The following MARCHF4 variants were observed in gnomAD, a reference collection of about 807,000 sequenced individuals.
MARCHF4 encodes E3 ubiquitin-protein ligase MARCHF4.
A neutral mutation model predicts 43.9 loss-of-function variants in MARCHF4; 14 were observed. The ratio of observed to expected loss-of-function variants is 0.32; its 90% CI spans 0.21 to 0.50. MARCHF4 has a LOEUF of 0.50. Among genes scored for constraint, MARCHF4 ranks in the 20% least tolerant of loss-of-function variants. MARCHF4 has a pLI of 0.98. For synonymous variants in MARCHF4, 226 were observed against 213.3 expected (o/e 1.06, Z -0.52); for missense variants, 468 against 536.7 (o/e 0.87, Z 1.27).
At chr2:216,287,292 T>C (rs368432) in intron 1 of MARCHF4, among the ~76,000 whole-genome samples, 74,459 of 151,822 alleles carry the variant, frequency 0.49, 18,498 homozygotes, top group East Asian at 0.71. Context: ...GAACAGGCCC[T>C]AGGGTATGGG....
At chr2:216,368,212 A>G (rs1692696933) in intron 1 of MARCHF4, among the ~76,000 whole-genome samples, 2 of 152,206 alleles carry the variant, frequency 1.3e-5, no homozygotes, top group Non-Finnish European at 2.9e-5. Context: ...GAGAGTATGA[A>G]GTACTTGATG....
rs577822331 is a variant in MARCHF4, at chr2:216,339,276, T to G, written c.516+30469A>C. Among the ~76,000 whole-genome samples the G allele has an allele frequency of 2.0e-5, 3 of 152,116 alleles. No homozygotes were observed. In the South Asian group the frequency reaches 6.2e-4, roughly 32 times the overall value. On this transcript the variant is annotated intron_variant, in intron 1 of 3. Coordinates refer to ENST00000273067, the MANE Select transcript of MARCHF4 (RefSeq NM_020814.3). ...ATATGCCAAGAAATCCAAGGTGTAG[T>G]GTTCAATGGCCATGCCCTTCTCTGC...
intron 1 of MARCHF4, among the ~76,000 whole-genome samples, chr2:216,332,469 A>T (rs1692094314): frequency 6.6e-6 from 1 of 151,966 alleles, no homozygotes; most frequent in African/African-American, 2.4e-5. Context: ...GGCAAGATTT[A>T]TTGATTTTAA....
chr2:216,292,829 C>G (rs1367820810), intron 1 of MARCHF4, among the ~76,000 whole-genome samples: 1 of 152,146 alleles, frequency 6.6e-6, no homozygotes, highest in East Asian at 1.9e-4. Context: ...CTTCTTCCTT[C>G]AGGACACCAG....
intron 2 of MARCHF4, among the ~76,000 whole-genome samples, chr2:216,282,943 T>C (rs529698347): frequency 6.6e-6 from 1 of 152,164 alleles, no homozygotes; most frequent in Non-Finnish European, 1.5e-5. Context: ...GTGTGGTCTC[T>C]GAACCAGAAG....
At chr2:216,277,134 C>A (rs1010166153) in intron 3 of MARCHF4, among the ~76,000 whole-genome samples, 1 of 152,102 alleles carries the variant, frequency 6.6e-6, no homozygotes, top group Non-Finnish European at 1.5e-5. Flanking sequence ...ATGGGAGAGC[C>A]TGGAGCTGTG....
At chr2:216,302,405 T>C (rs2105950258) in intron 1 of MARCHF4, among the ~76,000 whole-genome samples, 1 of 151,172 alleles carries the variant, frequency 6.6e-6, no homozygotes, top group Non-Finnish European at 1.5e-5. Context: ...TTTTTTTGTA[T>C]TTTTAGTAGA....
chr2:216,271,990 T>C (rs1254769515), intron 3 of MARCHF4, among the ~76,000 whole-genome samples: 24 of 141,180 alleles, frequency 1.7e-4, no homozygotes, highest in African/African-American at 5.5e-4. Flanking sequence ...TTTAGAGATC[T>C]CTGGTAGGCC....
chr2:216,357,207 C>T (rs961452309), intron 1 of MARCHF4, among the ~76,000 whole-genome samples: 5 of 152,114 alleles, frequency 3.3e-5, no homozygotes, highest in African/African-American at 1.2e-4. Context: ...CACTAATGTC[C>T]TTTATGTGGT....
intron 1 of MARCHF4, among the ~76,000 whole-genome samples, chr2:216,355,640 A>C (rs1290341180): frequency 6.6e-6 from 1 of 152,170 alleles, no homozygotes; most frequent in African/African-American, 2.4e-5. Flanking sequence ...CTGATACTCA[A>C]ACTGATTTTT....
intron 1 of MARCHF4, among the ~76,000 whole-genome samples, chr2:216,354,537 T>A (rs1482735774): frequency 6.6e-6 from 1 of 152,204 alleles, no homozygotes; most frequent in Non-Finnish European, 1.5e-5. Flanking sequence ...TTTCTTGCAC[T>A]AGACTCCAAG....
Position 216,370,134 on chromosome 2 carries a change from G to A in MARCHF4, c.127C>T (p.Arg43Cys). ...RHQGLLKCRC[R>C]MLFNDLKVFL... ...ACCTTCAGGTCATTGAAGAGCATGC[G>A]GCAGCGGCACTTGAGGAGACCCTGG... The change falls in exon 1 of 4, where the codon CGC (arginine) becomes TGC (cysteine). Residue 43 changes from arginine to cysteine, a missense_variant. Coordinates refer to ENST00000273067, the MANE Select transcript of MARCHF4 (RefSeq NM_020814.3). The A allele has an allele frequency of 3.7e-6, 6 of 1,607,320 alleles. No individual in the cohort carries two copies. The highest frequency in any genetic ancestry group is 1.7e-4 in the Middle Eastern group (1 of 6,036).
chr2:216,329,814 G>A (rs181929077), intron 1 of MARCHF4, among the ~76,000 whole-genome samples: 30 of 151,322 alleles, frequency 2.0e-4, no homozygotes, highest in Non-Finnish European at 4.0e-4. Context: ...GGGCTGGGTT[G>A]AGTGGCTCAC....
intron 1 of MARCHF4, among the ~76,000 whole-genome samples, chr2:216,293,509 C>T (rs915425718): frequency 1.3e-5 from 2 of 151,608 alleles, no homozygotes; most frequent in African/African-American, 4.8e-5. Flanking sequence ...CACATACACA[C>T]GTTTAATCTG....
chr2:216,332,196 G>T (rs1056972694), intron 1 of MARCHF4, among the ~76,000 whole-genome samples: 6 of 152,078 alleles, frequency 3.9e-5, no homozygotes, highest in African/African-American at 1.4e-4. Flanking sequence ...TTTGAGATCA[G>T]CCTGGGCAAC....
Position 216,370,217 on chromosome 2 carries a change from C to T in MARCHF4, c.44G>A (p.Cys15Tyr), listed in dbSNP as rs1211146326. The part of the protein sequence containing the change: ...LCGLLWWWWC[C>Y]CSGWYCYGLC... ...TCCATAGCAGTACCAGCCGGAGCAG[C>T]AGCACCACCACCACCAGAGCAGCCC... The change falls in exon 1 of 4, where the codon TGC (cysteine) becomes TAC (tyrosine). Residue 15 changes from cysteine to tyrosine, a missense_variant. Cys to Tyr is a radical substitution (Grantham distance 194). Transcript: ENST00000273067. 1.9e-6 allele frequency: 3 copies of T among 1,610,668 alleles called. No individual in the cohort carries two copies. Among genetic ancestry groups the T allele is most frequent in the South Asian group, 2.2e-5 (2 of 90,860 alleles).
chr2:216,332,519 CA>C (rs375668256), intron 1 of MARCHF4, among the ~76,000 whole-genome samples: 9 of 148,330 alleles, frequency 6.1e-5, no homozygotes, highest in East Asian at 3.9e-4. Context: ...CGTGCCAGTG[CA>C]AAAAAAAAGG....
At chr2:216,284,491 G>T (rs1421185787) in intron 1 of MARCHF4, among the ~76,000 whole-genome samples, 2 of 152,172 alleles carry the variant, frequency 1.3e-5, no homozygotes, top group Admixed American at 6.5e-5. Flanking sequence ...TTTGGAACAG[G>T]ATCTCACTCT....
In MARCHF4 at chr2:216,337,582, A is replaced by G. The variant is rs183888431; in HGVS notation, c.516+32163T>C. On this transcript the variant is annotated intron_variant, in intron 1 of 3. Transcript: ENST00000273067. ...ATGTGTTATTCTTTATAAAAAGAAA[A>G]AAGAGTTTTTAATCACTCATTAGCT... is the stretch of plus-strand genomic sequence containing the variant. Among the ~76,000 whole-genome samples, 493 of 152,024 alleles carry G rather than the reference A, an allele frequency of 3.2e-3. 2 individuals carry two copies. Among genetic ancestry groups the G allele is most frequent in the African/African-American group, 0.011 (471 of 41,262 alleles).
Sources: gnomAD v4.1 joint callset for allele counts (sites outside exome capture counted in the v4.1 genomes callset) on GRCh38, gnomAD v4.1.1 for gene constraint, MANE v1.5 for transcripts, NCBI Gene and HGNC (gene_info 2026-07-23, HGNC 2026-07-21) for gene names.